The following KLHL32 variants were observed in gnomAD, a reference collection of about 807,000 sequenced individuals.
KLHL32 encodes kelch like family member 32.
In KLHL32, 35 loss-of-function variants were observed where a neutral mutation model predicts 64.8. The observed-to-expected ratio is 0.54, with a 90% CI of 0.41 to 0.72. KLHL32 has a LOEUF of 0.72. KLHL32 is among the 30% of genes least tolerant of loss of function. The pLI is 0.00. For missense variants in KLHL32, 589 were observed against 768.5 expected (o/e 0.77, Z 2.76); for synonymous variants, 259 against 281.0 (o/e 0.92, Z 0.78).
At chr6:96,969,568 A>G (rs1212480112) in intron 2 of KLHL32, among the ~76,000 whole-genome samples, 5 of 152,220 alleles carry the variant, frequency 3.3e-5, no homozygotes, top group African/African-American at 1.2e-4. Context: ...CTAGTTCCAC[A>G]AAAATCTTCA....
rs904829158 is a variant in KLHL32 at position 96,928,816 on chromosome 6, G to A, written c.-66+3790G>A. Among the ~76,000 whole-genome samples the A allele has an allele frequency of 6.6e-5, 10 of 152,204 alleles. 1 individual carries two copies. The highest frequency in any genetic ancestry group is 2.9e-5 in the Non-Finnish European group (2 of 67,996). On this transcript the variant is annotated intron_variant, in intron 1 of 10. Transcript: ENST00000369261. The stretch of plus-strand genomic sequence containing the variant: ...TAAAAGATGTAATCGTTTTTTTCTA[G>A]TAGAGTCATAGACTTGGAGGCTAAG...
intron 1 of KLHL32, among the ~76,000 whole-genome samples, chr6:96,939,942 A>G (rs1771081961): frequency 6.6e-6 from 1 of 152,058 alleles, no homozygotes; most frequent in African/African-American, 2.4e-5. Flanking sequence ...GAAATTGCCT[A>G]AGGACAACTC....
intron 1 of KLHL32, among the ~76,000 whole-genome samples, chr6:96,964,698 A>T (rs774809199): frequency 5.3e-5 from 8 of 152,180 alleles, no homozygotes; most frequent in Non-Finnish European, 1.2e-4. Context: ...TTTGCTAGCA[A>T]ATTTTAATTC....
chr6:96,973,568 G>T (rs1323241970), intron 2 of KLHL32, among the ~76,000 whole-genome samples: 1 of 152,006 alleles, frequency 6.6e-6, no homozygotes, highest in Non-Finnish European at 1.5e-5. Context: ...TGTTTTTGAA[G>T]AAAAATTTCA....
At chr6:97,095,872 CAA>C (rs372168916) in intron 6 of KLHL32, among the ~76,000 whole-genome samples, 2 of 152,082 alleles carry the variant, frequency 1.3e-5, no homozygotes, top group African/African-American at 4.8e-5. Context: ...TTCTGAAAAA[CAA>C]AACAAAAACT....
chr6:96,951,360 T>A (rs990706424), intron 1 of KLHL32, among the ~76,000 whole-genome samples: 1 of 152,180 alleles, frequency 6.6e-6, no homozygotes, highest in Admixed American at 6.5e-5. Context: ...AGAAGTTGGG[T>A]ACTATAAGGG....
intron 3 of KLHL32, among the ~76,000 whole-genome samples, chr6:97,035,164 C>A (rs936433673): frequency 6.6e-6 from 1 of 152,004 alleles, no homozygotes; most frequent in African/African-American, 2.4e-5. Context: ...GTGGTTACCT[C>A]AAGGCTGGCA....
intron 4 of KLHL32, among the ~76,000 whole-genome samples, chr6:97,055,683 AGCT>A (rs1787682035): frequency 6.6e-6 from 1 of 151,320 alleles, no homozygotes; most frequent in African/African-American, 2.4e-5. Flanking sequence ...CTGTACTCCC[AGCT>A]AGTTGAGAGG....
intron 4 of KLHL32, among the ~76,000 whole-genome samples, chr6:97,058,879 A>G (rs1788431983): frequency 1.3e-5 from 2 of 152,206 alleles, no homozygotes; most frequent in South Asian, 2.1e-4. Context: ...TAACCCTTAT[A>G]TTTGTTTAAG....
chr6:97,001,732 A>T (rs1020958063), intron 3 of KLHL32, among the ~76,000 whole-genome samples: 1 of 152,236 alleles, frequency 6.6e-6, no homozygotes, highest in African/African-American at 2.4e-5. Context: ...AAGAACAGAT[A>T]ATAGTCATGG....
Position 97,092,284 on chromosome 6 carries a change from C to T in KLHL32, c.627+6943C>T, listed in dbSNP as rs573837222. On this transcript the variant is annotated intron_variant, in intron 6 of 10. Transcript: ENST00000369261. Reference sequence around the variant, plus strand: ...GATTACAGGCGTGAGCCACCGTGCCCGGCCAATTCTCTTTCATACATGCAT... The same window carrying T: ...GATTACAGGCGTGAGCCACCGTGCCTGGCCAATTCTCTTTCATACATGCAT... Among the ~76,000 whole-genome samples, 11 of 152,238 alleles carry T rather than the reference C, an allele frequency of 7.2e-5. No homozygotes were observed. The East Asian group carries it at 7.7e-4, about 11-fold the overall frequency.
the KLHL32 span, among the ~76,000 whole-genome samples, chr6:96,902,771 G>A: frequency 6.6e-6 from 1 of 152,130 alleles, no homozygotes. Context: ...TGTGTATGGT[G>A]TAAGGAAGGG....
chr6:97,007,789 C>T (rs1029658638), intron 3 of KLHL32, among the ~76,000 whole-genome samples: 5 of 152,176 alleles, frequency 3.3e-5, no homozygotes, highest in African/African-American at 1.2e-4. Context: ...TGTGCTCTAA[C>T]TCTGGGGGGC....
Position 97,105,502 on chromosome 6 carries a change from T to G in KLHL32, c.628-8281T>G, listed in dbSNP as rs770421746. 9.1e-5 allele frequency: 43 copies of G among 470,932 alleles called. No individual in the cohort carries two copies. The Middle Eastern group carries it at 9.7e-4, about 11-fold the overall frequency. The allele number at this position is 470,932 out of a possible 1,614,324, so 29.2% of individuals were successfully genotyped here. On this transcript the variant is annotated intron_variant, in intron 6 of 10. Transcript: ENST00000369261. ...GGGGAGACTGGTGCCCTGGCTTACC[T>G]CAATGGGATGACAAGACTGGTAAGG...
intron 1 of KLHL32, among the ~76,000 whole-genome samples, chr6:96,959,381 A>G (rs745623100): frequency 2.6e-5 from 4 of 152,046 alleles, no homozygotes; most frequent in Non-Finnish European, 5.9e-5. Context: ...GAACAACACA[A>G]ATTTATTTTC....
In KLHL32 at chr6:97,126,974, A is replaced by G. The variant is rs116363890; in HGVS notation, c.1355-430A>G. 3.9e-3 allele frequency among the ~76,000 whole-genome samples: 593 copies of G among 152,320 alleles called. 2 individuals are homozygous for G. Among genetic ancestry groups the G allele is most frequent in the African/African-American group, 0.014 (562 of 41,572 alleles). On this transcript the variant is annotated intron_variant, in intron 7 of 10. Transcript: ENST00000369261. ...ATAAGTAATATCAAGAGATATCAAGATATCACTGTGTTAGAGTACGGATGT... is the reference window on the plus strand; with the variant it reads ...ATAAGTAATATCAAGAGATATCAAGGTATCACTGTGTTAGAGTACGGATGT...
chr6:96,988,668 A>G (rs529005053), intron 3 of KLHL32, among the ~76,000 whole-genome samples: 167 of 152,208 alleles, frequency 1.1e-3, no homozygotes, highest in African/African-American at 3.8e-3. Flanking sequence ...TGTTTATTGC[A>G]GCACTATTCA....
rs532437379 is a variant in KLHL32 at position 96,945,498 on chromosome 6, G to A, written c.-66+20472G>A. Among the ~76,000 whole-genome samples, 20 of 152,276 alleles carry A rather than the reference G, an allele frequency of 1.3e-4. No homozygotes were observed. In the South Asian group the frequency reaches 4.1e-3, roughly 32 times the overall value. On this transcript the variant is annotated intron_variant, in intron 1 of 10. Transcript: ENST00000369261. ...CAGAGCAAAAGTTTAATTTCCAAGT[G>A]CAGCACAGTGCCTACCACTCAATTG...
chr6:96,925,044 C>T lies in KLHL32; in HGVS notation c.-66+18C>T, dbSNP rs1449537179. On this transcript the variant is annotated intron_variant, in intron 1 of 10. Transcript: ENST00000369261. The stretch of plus-strand genomic sequence containing the variant: ...CCCATCGGGTAAGCCAGTCTCTCTC[C>T]TTGTAACCTGTTCTGCAGACCTGAG... 1 of 152,304 alleles carries T rather than the reference C, an allele frequency of 6.6e-6. No homozygotes were observed. The highest frequency in any genetic ancestry group is 1.9e-4 in the East Asian group (1 of 5,194). 9.4% of individuals were successfully genotyped at this position (152,304 alleles called of 1,614,324 possible).
Sources: gnomAD v4.1 joint callset for allele counts (sites outside exome capture counted in the v4.1 genomes callset) on GRCh38, gnomAD v4.1.1 for gene constraint, MANE v1.5 for transcripts, NCBI Gene and HGNC (gene_info 2026-07-23, HGNC 2026-07-21) for gene names.